The following CCDC3 variants were observed in gnomAD, a reference collection of about 807,000 sequenced individuals.
The protein encoded by CCDC3 is coiled-coil domain containing 3.
In CCDC3, 24 loss-of-function variants were observed where a neutral mutation model predicts 21.4. The ratio of observed to expected loss-of-function variants is 1.12; its 90% confidence interval spans 0.81 to 1.58. The LOEUF (loss-of-function observed/expected upper bound fraction) is 1.58, where lower values mean the gene tolerates loss of function less well. Among genes scored for constraint, CCDC3 ranks in the 40% most tolerant of loss-of-function variants. The pLI, the probability that CCDC3 is intolerant of heterozygous loss-of-function variation, is 0.00. For synonymous variants in CCDC3, 186 were observed against 166.0 expected (o/e 1.12, Z -0.93); for missense variants, 425 against 360.9 (o/e 1.18, Z -1.44).
intron 3 of CCDC3, among the ~76,000 whole-genome samples, chr10:13,075,164 A>G (rs1836947147): frequency 1.3e-5 from 2 of 152,184 alleles, no homozygotes; most frequent in Non-Finnish European, 2.9e-5. Context: ...ACTTCTTATC[A>G]ATATCTCAGA....
intron 2 of CCDC3, among the ~76,000 whole-genome samples, chr10:12,919,585 C>CAAAA (rs1834414078): frequency 4.6e-5 from 1 of 21,752 alleles, no homozygotes; most frequent in South Asian, 2.2e-3. Flanking sequence ...GCAAGACTGT[C>CAAAA]TAAAAAAAAA....
At chr10:12,919,599 A>AG (rs1026153477) in intron 2 of CCDC3, among the ~76,000 whole-genome samples, 20 of 151,620 alleles carry the variant, frequency 1.3e-4, no homozygotes, top group South Asian at 1.0e-3. Flanking sequence ...AAAAAAAAAA[A>AG]AAAAAGAAAT....
At chr10:13,027,097 G>C (rs963307154) in intron 5 of CCDC3, among the ~76,000 whole-genome samples, 3 of 152,186 alleles carry the variant, frequency 2.0e-5, no homozygotes, top group African/African-American at 7.2e-5. Flanking sequence ...TTTAGTATCT[G>C]TGTCTGTCAA....
chr10:13,022,343 C>A (rs1836157381), intron 5 of CCDC3, among the ~76,000 whole-genome samples: 1 of 152,076 alleles, frequency 6.6e-6, no homozygotes, highest in Non-Finnish European at 1.5e-5. Context: ...TTGCTCCCTC[C>A]TTAAAGTTAT....
chr10:13,011,644 T>C (rs1835985344), intron 5 of CCDC3, among the ~76,000 whole-genome samples: 1 of 152,200 alleles, frequency 6.6e-6, no homozygotes. Context: ...TTTATAGATT[T>C]AGTGCTATTC....
intron 2 of CCDC3, among the ~76,000 whole-genome samples, chr10:12,995,409 T>C (rs1450126307): frequency 6.6e-6 from 1 of 152,116 alleles, no homozygotes; most frequent in Non-Finnish European, 1.5e-5. Flanking sequence ...CCTCAGCTAA[T>C]TTTTGTATTT....
At chr10:12,982,163 C>T (rs1030616716) in intron 2 of CCDC3, among the ~76,000 whole-genome samples, 1 of 143,408 alleles carries the variant, frequency 7.0e-6, no homozygotes, top group African/African-American at 2.6e-5. Flanking sequence ...TGAGCTACCA[C>T]CAATCAAAAT....
At chr10:12,939,661 G>A (rs565462423) in intron 2 of CCDC3, among the ~76,000 whole-genome samples, 2 of 12,196 alleles carry the variant, frequency 1.6e-4, no homozygotes, top group African/African-American at 2.7e-4. Context: ...CTGGGAAAGC[G>A]GATCAATTCT....
At chr10:12,933,754 G>A (rs111690883) in intron 2 of CCDC3, among the ~76,000 whole-genome samples, 3,586 of 152,148 alleles carry the variant, frequency 0.024, 63 homozygotes, top group Middle Eastern at 0.054. Flanking sequence ...CACTGTGCCC[G>A]GCCATAATAT....
intron 4 of CCDC3, among the ~76,000 whole-genome samples, chr10:13,054,153 T>TAAAAAAAA (rs1588407976): frequency 3.6e-5 from 3 of 84,358 alleles, no homozygotes; most frequent in Admixed American, 2.7e-4. Context: ...AGACTCTGTA[T>TAAAAAAAA]CAAAAAAAAA....
chr10:12,982,811 A>C (rs1255326317), intron 2 of CCDC3, among the ~76,000 whole-genome samples: 130 of 149,454 alleles, frequency 8.7e-4, no homozygotes, highest in African/African-American at 2.8e-3. Context: ...AAAAAAAAAA[A>C]AAAAAAAACC....
At chr10:13,072,863 CTTTCTT>C (rs1836902028) in intron 4 of CCDC3, among the ~76,000 whole-genome samples, 6 of 65,684 alleles carry the variant, frequency 9.1e-5, no homozygotes, top group South Asian at 8.8e-4. Context: ...CTTTTCTTTT[CTTTCTT>C]TTTTTTTTTT....
intron 2 of CCDC3, among the ~76,000 whole-genome samples, chr10:12,986,001 G>A (rs980381199): frequency 3.3e-5 from 5 of 152,174 alleles, no homozygotes. Context: ...TCAGTCTCCT[G>A]AGTAGCTGGG....
intron 5 of CCDC3, among the ~76,000 whole-genome samples, chr10:13,026,027 A>G (rs753867467): frequency 6.6e-6 from 1 of 152,110 alleles, no homozygotes; most frequent in Non-Finnish European, 1.5e-5. Flanking sequence ...CAAAAAATAT[A>G]AAAATTAGCT....
At chr10:13,047,721 T>C (rs1466290289) in intron 5 of CCDC3, among the ~76,000 whole-genome samples, 1 of 152,188 alleles carries the variant, frequency 6.6e-6, no homozygotes, top group Non-Finnish European at 1.5e-5. Flanking sequence ...GGGTGATTCC[T>C]GTTAGCCATG....
chr10:12,910,272 G>T (rs973837480), intron 2 of CCDC3, among the ~76,000 whole-genome samples: 1 of 152,132 alleles, frequency 6.6e-6, no homozygotes, highest in Admixed American at 6.5e-5. Flanking sequence ...TGGTTGTGCC[G>T]CTTGCTGGCT....
intron 2 of CCDC3, among the ~76,000 whole-genome samples, chr10:12,991,013 G>A (rs1393663544): frequency 6.6e-6 from 1 of 152,202 alleles, no homozygotes; most frequent in Non-Finnish European, 1.5e-5. Flanking sequence ...TTGACCATAA[G>A]CTACACTTCT....
chr10:12,989,627 G>A (rs1342862307), intron 2 of CCDC3, among the ~76,000 whole-genome samples: 2 of 151,956 alleles, frequency 1.3e-5, no homozygotes, highest in Non-Finnish European at 2.9e-5. Context: ...TCACCATGTT[G>A]GCCAGGCTGG....
At chr10:13,058,096 T>G in intron 4 of CCDC3, 1 of 776,154 alleles carries the variant, frequency 1.3e-6, no homozygotes, top group Non-Finnish European at 2.3e-6. Flanking sequence ...GCTTCTGGTG[T>G]ACTTCTGCAA....
Sources: allele counts gnomAD v4.1 joint callset (sites outside exome capture counted in the v4.1 genomes callset), GRCh38; gene constraint gnomAD v4.1.1; transcripts MANE v1.5; gene names NCBI Gene and HGNC (gene_info 2026-07-23, HGNC 2026-07-21).